Variants in NLRP1 observed in about 807,000 individuals in gnomAD.
NLRP1 encodes the protein NACHT, LRR and PYD domains-containing protein 1.
Under a neutral mutation model 136.7 loss-of-function variants are expected in NLRP1, and 94 were observed. The observed-to-expected ratio is 0.69, with a 90% CI of 0.58 to 0.82. The LOEUF is 0.82. Ranked by LOEUF, NLRP1 falls within the 40% of genes least tolerant of loss-of-function variation. The probability of loss-of-function intolerance (pLI) is 0.00; values close to 1 mark genes in which losing one functional copy is unlikely to be tolerated. For synonymous variants in NLRP1, 690 were observed against 725.1 expected (o/e 0.95, Z 0.78); for missense variants, 1,575 against 1,802.7 (o/e 0.87, Z 2.29).
intron 3 of NLRP1, among the ~76,000 whole-genome samples, chr17:5,576,038 C>T (rs1198830151): frequency 2.0e-5 from 3 of 152,172 alleles, no homozygotes; most frequent in South Asian, 2.1e-4. Flanking sequence ...GGGTACATAA[C>T]GAAATGAAGG....
At chr17:5,522,429 C>A (rs543194738) in intron 12 of NLRP1, among the ~76,000 whole-genome samples, 2 of 152,330 alleles carry the variant, frequency 1.3e-5, no homozygotes, top group South Asian at 4.1e-4. Flanking sequence ...CTAGAAGGCT[C>A]CATGTATGAG....
intron 7 of NLRP1, 116 bp downstream of exon 7, chr17:5,539,299 G>A: frequency 1.1e-6 from 1 of 907,452 alleles, no homozygotes; most frequent in Non-Finnish European, 1.6e-6. Flanking sequence ...AGTGTAAGTG[G>A]TAGAGCTGGT....
At chr17:5,574,612 G>T (rs111689593) in intron 3 of NLRP1, among the ~76,000 whole-genome samples, 2 of 151,692 alleles carry the variant, frequency 1.3e-5, no homozygotes. Flanking sequence ...GGATCTCTCG[G>T]CAGAAACTCT....
rs778503816 is a variant in NLRP1 at position 5,533,395 on chromosome 17, A to C, written c.3053-11T>G. ...GGGAAGCCGCCCTCTCTACAGAAAA[A>C]AGAAAAATATCAGCCAGGCATGGTG... On this transcript the variant is annotated splice_polypyrimidine_tract_variant and intron_variant, in intron 9 of 16. Coordinates refer to ENST00000572272, the MANE Select transcript of NLRP1 (RefSeq NM_033004.4). 39 of 964,516 alleles carry C rather than the reference A, an allele frequency of 4.0e-5. No homozygotes were observed. Among genetic ancestry groups the C allele is most frequent in the Non-Finnish European group, 5.7e-5 (35 of 614,280 alleles). 59.7% of individuals were successfully genotyped at this position (964,516 alleles called of 1,614,324 possible). A position where few individuals can be genotyped will look rare whatever the true frequency, so the allele number is the denominator to read the frequency against.
chr17:5,570,298 C>A (rs1469226425), intron 3 of NLRP1, among the ~76,000 whole-genome samples: 1 of 151,240 alleles, frequency 6.6e-6, no homozygotes, highest in African/African-American at 2.4e-5. Flanking sequence ...AAAAACCATA[C>A]AAAAGATCAA....
chr17:5,524,285 CTT>C (rs1365282757), intron 12 of NLRP1, among the ~76,000 whole-genome samples: 6 of 152,340 alleles, frequency 3.9e-5, no homozygotes, highest in South Asian at 4.1e-4. Context: ...TACTTTGTCT[CTT>C]GTTTCCTGTG....
At chr17:5,517,988 T>C in intron 14 of NLRP1, 101 bp from the exon 15 acceptor site, 1 of 1,082,562 alleles carries the variant, frequency 9.2e-7, no homozygotes, top group Non-Finnish European at 1.4e-6. Flanking sequence ...ATAAGGACAC[T>C]CTGATGATCC....
At chr17:5,555,018 C>CACACACAA (rs1491563157) in intron 4 of NLRP1, among the ~76,000 whole-genome samples, 295 of 8,850 alleles carry the variant, frequency 0.033, 2 homozygotes, top group African/African-American at 0.14. Context: ...GAGATCCCAT[C>CACACACAA]ACACACACAC....
exon 16 of NLRP1, chr17:5,501,828 C>G: frequency 6.2e-7 from 1 of 1,613,850 alleles, no homozygotes; most frequent in Non-Finnish European, 8.5e-7. Context: ...TATCTCCTGG[C>G]GTCTCTGTTG....
At chr17:5,577,636 C>G (rs1439620792) in intron 3 of NLRP1, among the ~76,000 whole-genome samples, 1 of 151,974 alleles carries the variant, frequency 6.6e-6, no homozygotes, top group Non-Finnish European at 1.5e-5. Flanking sequence ...AAGAACATTC[C>G]ATGCTCATGG....
downstream of NLRP1, among the ~76,000 whole-genome samples, chr17:5,513,567 G>A (rs1217675552): frequency 1.3e-5 from 2 of 152,204 alleles, no homozygotes; most frequent in African/African-American, 4.8e-5. Context: ...CTGTGCCACT[G>A]CAGAAAAGAT....
intron 3 of NLRP1, among the ~76,000 whole-genome samples, chr17:5,566,843 C>T (rs114584681): frequency 0.024 from 3,640 of 152,088 alleles, 156 homozygotes; most frequent in African/African-American, 0.084. Flanking sequence ...CTGGGTGTTC[C>T]TGTGTTGGGT....
intron 12 of NLRP1, among the ~76,000 whole-genome samples, chr17:5,525,684 C>A (rs1567636119): frequency 6.6e-6 from 1 of 152,188 alleles, no homozygotes; most frequent in Admixed American, 6.5e-5. Flanking sequence ...GCTTTGACTC[C>A]CAGCAAGGGT....
At chr17:5,513,355 G>A (rs1273919648), downstream of NLRP1, among the ~76,000 whole-genome samples, 1 of 152,138 alleles carries the variant, frequency 6.6e-6, no homozygotes, top group East Asian at 1.9e-4. Flanking sequence ...GCCTCCCAAA[G>A]TGTTAAGATT....
At chr17:5,552,299 C>T (rs1238730692) in intron 5 of NLRP1, among the ~76,000 whole-genome samples, 1 of 152,014 alleles carries the variant, frequency 6.6e-6, no homozygotes, top group Non-Finnish European at 1.5e-5. Flanking sequence ...TATTTATGAA[C>T]TCCTCAACTT....
At chr17:5,508,626 G>C (rs1255039120) in intron 15 of NLRP1, among the ~76,000 whole-genome samples, 2 of 152,226 alleles carry the variant, frequency 1.3e-5, no homozygotes, top group African/African-American at 4.8e-5. Context: ...CTCAATGTCA[G>C]AACAAGAGGA....
intron 13 of NLRP1, 105 bp from the exon 14 acceptor site, chr17:5,521,117 C>A: frequency 8.6e-7 from 1 of 1,164,184 alleles, no homozygotes; most frequent in Non-Finnish European, 1.2e-6. Context: ...CAGAGTGGGG[C>A]TATATCACCC....
At chr17:5,557,310 A>G (rs1206002564) in intron 4 of NLRP1, among the ~76,000 whole-genome samples, 1 of 147,528 alleles carries the variant, frequency 6.8e-6, no homozygotes, top group African/African-American at 2.4e-5. Context: ...CAGCCTACAT[A>G]TCTTTTTTTT....
chr17:5,515,158 C>G, intron 16 of NLRP1, 85 bp from the exon 17 acceptor site: 1 of 1,254,468 alleles, frequency 8.0e-7, no homozygotes, highest in Non-Finnish European at 1.1e-6. Flanking sequence ...TCTCTGCATC[C>G]CTCGCTTCCT....
Sources: allele counts gnomAD v4.1 joint callset (sites outside exome capture counted in the v4.1 genomes callset), GRCh38; gene constraint gnomAD v4.1.1; transcripts MANE v1.5; gene names NCBI Gene and HGNC (gene_info 2026-07-23, HGNC 2026-07-21).